The following ARHGAP24 variants were observed in gnomAD, a reference collection of about 807,000 sequenced individuals.
ARHGAP24 encodes Rho GTPase activating protein 24.
A neutral mutation model predicts 76.4 loss-of-function variants in ARHGAP24; 50 were observed. The ratio of observed to expected loss-of-function variants is 0.65; its 90% CI spans 0.52 to 0.83. ARHGAP24 has a LOEUF of 0.83. Ranked by LOEUF, ARHGAP24 falls within the 40% of genes least tolerant of loss-of-function variation. The pLI, the probability that ARHGAP24 is intolerant of heterozygous loss-of-function variation, is 0.00. For synonymous variants in ARHGAP24, 345 were observed against 323.3 expected, an observed-to-expected ratio of 1.07 and a Z score of -0.72; for missense variants, 930 against 914.2, an observed-to-expected ratio of 1.02 and a Z score of -0.22.
chr4:85,887,205 A>G (rs957184059), intron 3 of ARHGAP24, among the ~76,000 whole-genome samples: 6 of 152,152 alleles, frequency 3.9e-5, no homozygotes, highest in African/African-American at 1.2e-4. Context: ...TTTTTCATTA[A>G]TATTGCCAAA....
intron 2 of ARHGAP24, among the ~76,000 whole-genome samples, chr4:85,712,027 CT>C (rs1004785522): frequency 6.6e-6 from 1 of 152,060 alleles, no homozygotes; most frequent in African/African-American, 2.4e-5. Flanking sequence ...TATTCTTTTT[CT>C]TTTTATCTTA....
intron 3 of ARHGAP24, among the ~76,000 whole-genome samples, chr4:85,800,558 A>C (rs1334064481): frequency 6.6e-6 from 1 of 152,206 alleles, no homozygotes; most frequent in East Asian, 1.9e-4. Context: ...AAGAGGAAGA[A>C]GAAAAGGGAG....
intron 1 of ARHGAP24, among the ~76,000 whole-genome samples, chr4:85,476,512 AGTT>A (rs1722605306): frequency 6.6e-6 from 1 of 152,236 alleles, no homozygotes; most frequent in South Asian, 2.1e-4. Context: ...GGAATATAAA[AGTT>A]GTTAAGGCTT....
chr4:85,870,547 T>C (rs1732468736), intron 3 of ARHGAP24, among the ~76,000 whole-genome samples: 1 of 152,182 alleles, frequency 6.6e-6, no homozygotes, highest in Non-Finnish European at 1.5e-5. Context: ...AGTTAACCTT[T>C]TCAGCATTAA....
chr4:85,509,978 T>G (rs1285044589), intron 1 of ARHGAP24, among the ~76,000 whole-genome samples: 1 of 152,136 alleles, frequency 6.6e-6, no homozygotes, highest in Non-Finnish European at 1.5e-5. Context: ...TGCGCCTCCA[T>G]ATGGATGCCC....
intron 2 of ARHGAP24, among the ~76,000 whole-genome samples, chr4:85,615,650 C>T (rs1440564158): frequency 1.3e-5 from 2 of 152,020 alleles, no homozygotes; most frequent in Non-Finnish European, 2.9e-5. Flanking sequence ...ATATATAACT[C>T]TATGATATAT....
intron 1 of ARHGAP24, among the ~76,000 whole-genome samples, chr4:85,515,626 C>A (rs965143241): frequency 6.6e-6 from 1 of 151,884 alleles, no homozygotes; most frequent in African/African-American, 2.4e-5. Context: ...CTTCCTAGTT[C>A]TTTCTTTATA....
At chr4:85,564,207 C>T (rs981092014) in intron 1 of ARHGAP24, among the ~76,000 whole-genome samples, 6 of 151,978 alleles carry the variant, frequency 3.9e-5, no homozygotes, top group Admixed American at 1.3e-4. Context: ...GTTGTTCTTG[C>T]GATAGTTTGC....
intron 2 of ARHGAP24, among the ~76,000 whole-genome samples, chr4:85,600,441 G>C (rs1312567122): frequency 6.6e-6 from 1 of 152,182 alleles, no homozygotes; most frequent in Non-Finnish European, 1.5e-5. Flanking sequence ...AAAGGAGCAG[G>C]AATACTAGTT....
intron 4 of ARHGAP24, among the ~76,000 whole-genome samples, chr4:85,937,945 C>T (rs1478741966): frequency 6.6e-6 from 1 of 152,132 alleles, no homozygotes; most frequent in Non-Finnish European, 1.5e-5. Flanking sequence ...TTAGATTCAT[C>T]TTTGCTTATT....
At position 85,652,528 on chromosome 4, in the gene ARHGAP24, CA is replaced by C. The variant is rs576134379; in HGVS notation, c.181-69353del. On this transcript the variant is annotated intron_variant, in intron 2 of 9. Coordinates refer to ENST00000395184, the MANE Select transcript of ARHGAP24 (RefSeq NM_001025616.3). ...CAGACAAACATTTTTAAAAGGTTAGCAAAATTGACTTGTTCTCATATCTGCA... is the reference window on the plus strand; with the variant it reads ...CAGACAAACATTTTTAAAAGGTTAGCAAATTGACTTGTTCTCATATCTGCA... Among the ~76,000 whole-genome samples, 214 of 152,218 alleles carry C rather than the reference CA, an allele frequency of 1.4e-3. 1 individual carries two copies. The highest frequency in any genetic ancestry group is 5.0e-3 in the African/African-American group (208 of 41,544).
Position 85,995,173 on chromosome 4 carries a change from G to A in ARHGAP24, c.1519G>A (p.Gly507Ser), listed in dbSNP as rs773538618. The change falls in exon 9 of 10, where the codon GGC (glycine) becomes AGC (serine). Residue 507 changes from glycine to serine, a missense_variant. Transcript: ENST00000395184. ...NVRNMSWLPN[G>S]YVTLRDNKQK... ...TCGAAACATGAGCTGGCTGCCAAAT[G>A]GCTATGTGACCCTGAGGGATAACAA... 3 of 1,613,994 alleles carry A rather than the reference G, an allele frequency of 1.9e-6. No individual in the cohort carries two copies. The highest frequency in any genetic ancestry group is 1.1e-5 in the South Asian group (1 of 91,052).
chr4:85,752,914 A>G lies in ARHGAP24; in HGVS notation c.268+30942A>G, dbSNP rs1299040914. On this transcript the variant is annotated intron_variant, in intron 3 of 9. Coordinates refer to ENST00000395184, the MANE Select transcript of ARHGAP24 (RefSeq NM_001025616.3). ...GAGATACTTACTTCTGAACATTACC[A>G]GAATTTCATTATTGTAGAGGATTTA... Among the ~76,000 whole-genome samples, 4 of 152,342 alleles carry G rather than the reference A, an allele frequency of 2.6e-5. No homozygotes were observed. In the South Asian group the frequency reaches 8.3e-4, roughly 32 times the overall value.
chr4:85,702,786 A>G (rs1724145997), intron 2 of ARHGAP24, among the ~76,000 whole-genome samples: 1 of 152,192 alleles, frequency 6.6e-6, no homozygotes, highest in Non-Finnish European at 1.5e-5. Context: ...TTTAATTTAC[A>G]GCATCATTTG....
intron 2 of ARHGAP24, among the ~76,000 whole-genome samples, chr4:85,675,370 C>T (rs1722946386): frequency 6.6e-6 from 1 of 152,104 alleles, no homozygotes; most frequent in South Asian, 2.1e-4. Context: ...AGTATGCTTC[C>T]AGGGAGATTC....
chr4:85,986,918 C>A (rs893715225), intron 8 of ARHGAP24, among the ~76,000 whole-genome samples: 2 of 151,980 alleles, frequency 1.3e-5, no homozygotes, highest in Non-Finnish European at 2.9e-5. Flanking sequence ...TTTAAAGCAT[C>A]TTTTAAATGA....
intron 1 of ARHGAP24, among the ~76,000 whole-genome samples, chr4:85,502,002 T>C (rs1467347981): frequency 6.6e-6 from 1 of 152,196 alleles, no homozygotes; most frequent in Non-Finnish European, 1.5e-5. Flanking sequence ...TTTCTTGTTT[T>C]TGTCAGGTTT....
chr4:85,683,763 C>A (rs935996830), intron 2 of ARHGAP24, among the ~76,000 whole-genome samples: 1 of 152,142 alleles, frequency 6.6e-6, no homozygotes, highest in Non-Finnish European at 1.5e-5. Flanking sequence ...CTTTCCCAAC[C>A]TCCAACCCCC....
intron 2 of ARHGAP24, among the ~76,000 whole-genome samples, chr4:85,591,342 G>T (rs890593146): frequency 1.3e-5 from 2 of 152,104 alleles, no homozygotes; most frequent in Admixed American, 6.5e-5. Flanking sequence ...CACCATGCCC[G>T]ACTAGATCTG....
Sources: gnomAD v4.1 joint callset for allele counts (sites outside exome capture counted in the v4.1 genomes callset) on GRCh38, gnomAD v4.1.1 for gene constraint, MANE v1.5 for transcripts, NCBI Gene and HGNC (gene_info 2026-07-23, HGNC 2026-07-21) for gene names.